GPR180: variants seen among roughly 807,000 people sequenced by gnomAD.
GPR180 encodes the protein G protein-coupled receptor 180.
A neutral mutation model predicts 52.6 loss-of-function variants in GPR180; 53 were observed. The ratio of observed to expected loss-of-function variants is 1.01; its 90% CI spans 0.81 to 1.27. The LOEUF (loss-of-function observed/expected upper bound fraction) is 1.27. Ranked by LOEUF, GPR180 falls within the 50% of genes most tolerant of loss-of-function variation. GPR180 has a pLI of 0.00. For missense variants in GPR180, 533 were observed against 527.0 expected, an observed-to-expected ratio of 1.01 and a Z score of -0.11; for synonymous variants, 200 against 193.1, an observed-to-expected ratio of 1.04 and a Z score of -0.30.
chr13:94,630,333 C>G lies in GPR180; in HGVS notation c.*3162C>G, dbSNP rs969807884. On this transcript the variant is annotated 3_prime_UTR_variant, in exon 9 of 9. Transcript: ENST00000376958. ...GAGGTGAGGAAAGAAGTGATCCTGCCCACTAGGGCCATTCTCCACAGTGTA... is the reference window on the plus strand; with the variant it reads ...GAGGTGAGGAAAGAAGTGATCCTGCGCACTAGGGCCATTCTCCACAGTGTA... 1.3e-5 allele frequency: 2 copies of G among 152,204 alleles called. No homozygotes were observed. The highest frequency in any genetic ancestry group is 2.4e-5 in the African/African-American group (1 of 41,444). 9.4% of individuals were successfully genotyped at this position (152,204 alleles called of 1,614,324 possible).
At chr13:94,625,887 C>G (rs774832740) in intron 7 of GPR180, 79 bp from the exon 8 acceptor site, 14 of 933,548 alleles carry the variant, frequency 1.5e-5, no homozygotes, top group Non-Finnish European at 2.0e-5. Context: ...CCTAAAAATG[C>G]TAGTAACATT....
intron 5 of GPR180, among the ~76,000 whole-genome samples, chr13:94,620,681 A>G (rs953702602): frequency 2.6e-5 from 4 of 152,214 alleles, no homozygotes; most frequent in Non-Finnish European, 5.9e-5. Context: ...AGGTACTAGT[A>G]TTCTCCATAT....
At chr13:94,617,240 T>C (rs1889790525) in intron 3 of GPR180, among the ~76,000 whole-genome samples, 1 of 152,122 alleles carries the variant, frequency 6.6e-6, no homozygotes, top group Non-Finnish European at 1.5e-5. Context: ...TGTAAAATAT[T>C]ATAAATAAAT....
rs1889973144 is a variant in GPR180 at position 94,629,928 on chromosome 13, G to A, written c.*2757G>A. ...ATCAACATGAACATGGGCTCCTTCA[G>A]CATGTTTCTTCTAGGAGACTGCACG... is the stretch of plus-strand genomic sequence containing the variant. On this transcript the variant is annotated 3_prime_UTR_variant, in exon 9 of 9. Transcript: ENST00000376958. The A allele has an allele frequency of 6.6e-6, 1 of 152,152 alleles. No individual in the cohort carries two copies. The highest frequency in any genetic ancestry group is 6.5e-5 in the Admixed American group (1 of 15,278). 9.4% of individuals were successfully genotyped at this position (152,152 alleles called of 1,614,324 possible). A position where few individuals can be genotyped will look rare whatever the true frequency, so the allele number is the denominator to read the frequency against.
chr13:94,631,444 A>G lies in GPR180; in HGVS notation c.*4273A>G, dbSNP rs1479292893. The G allele has an allele frequency of 6.6e-6, 1 of 151,644 alleles. No individual in the cohort carries two copies. Among genetic ancestry groups the G allele is most frequent in the East Asian group, 1.9e-4 (1 of 5,166 alleles). 9.4% of individuals were successfully genotyped at this position (151,644 alleles called of 1,614,324 possible). On this transcript the variant is annotated 3_prime_UTR_variant, in exon 9 of 9. Transcript: ENST00000376958. ...TTTTCTGATCAGACCCTGATTAACC[A>G]TACCATCCTACCTAATGCTATTCCC... is the stretch of plus-strand genomic sequence containing the variant.
At chr13:94,619,429 C>A in intron 4 of GPR180, 39 bp from the exon 5 acceptor site, 4 of 1,602,316 alleles carry the variant, frequency 2.5e-6, no homozygotes, top group Admixed American at 1.7e-5. Flanking sequence ...CAATTTTTTT[C>A]ACATTTGTAA....
At chr13:94,602,116 T>C in intron 1 of GPR180, 44 bp downstream of exon 1, 2 of 1,277,474 alleles carry the variant, frequency 1.6e-6, no homozygotes, top group South Asian at 5.0e-5. Context: ...CGCTGGCCCA[T>C]CCCGCCGGCT....
chr13:94,615,042 T>A (rs1171529956), intron 3 of GPR180, among the ~76,000 whole-genome samples: 1 of 152,176 alleles, frequency 6.6e-6, no homozygotes, highest in African/African-American at 2.4e-5. Context: ...ATGCATCTGG[T>A]TTAAGGTTAT....
At position 94,627,109 on chromosome 13, in the gene GPR180, CT is replaced by C. The variant is rs1594480927; in HGVS notation, c.1264del (p.Ser422LeufsTer3). ...SHSLYWEVSS[L>X]SSVTLPLTIS... ...CAGTCTATACTGGGAAGTTTCTTCA[CT>C]TTCTTCAGTAACACTACCACTGACC... On this transcript the variant is annotated frameshift_variant, in exon 9 of 9. Transcript: ENST00000376958. LOFTEE classifies it high-confidence loss of function. 6.2e-7 allele frequency: 1 copy of C among 1,613,110 alleles called. No homozygotes were observed. Among genetic ancestry groups the C allele is most frequent in the Non-Finnish European group, 8.5e-7 (1 of 1,179,456 alleles).
intron 5 of GPR180, among the ~76,000 whole-genome samples, chr13:94,620,810 A>G (rs1889840655): frequency 6.6e-6 from 1 of 152,212 alleles, no homozygotes; most frequent in East Asian, 1.9e-4. Flanking sequence ...GACTTAATGG[A>G]CATATGGTAT....
At chr13:94,607,806 T>A (rs143876583) in intron 2 of GPR180, among the ~76,000 whole-genome samples, 6 of 152,310 alleles carry the variant, frequency 3.9e-5, no homozygotes, top group Admixed American at 3.9e-4. Context: ...TGATAAGTAC[T>A]ATGAATGCTA....
rs1178728239 is a variant in GPR180, at chr13:94,628,747, G to A, written c.*1576G>A. 1 of 151,976 alleles carries A rather than the reference G, an allele frequency of 6.6e-6. No individual in the cohort carries two copies. The highest frequency in any genetic ancestry group is 2.4e-5 in the African/African-American group (1 of 41,410). The allele number at this position is 151,976 out of a possible 1,614,324, so 9.4% of individuals were successfully genotyped here. ...GTTAAGACTAGAAAGTCTGAGTTAT[G>A]TTTTAGGTATACATGATCGTCTGAG... On this transcript the variant is annotated 3_prime_UTR_variant, in exon 9 of 9. Transcript: ENST00000376958.
In GPR180 at chr13:94,612,350, C is replaced by T. The variant is rs9524559; in HGVS notation, c.465C>T (p.Ala155=). The change falls in exon 3 of 9, where the codon GCC becomes GCT. Residue 155 remains alanine (A), a synonymous_variant. Coordinates refer to ENST00000376958, the MANE Select transcript of GPR180 (RefSeq NM_180989.6). ...PFEMVLLNPD[A]EGNPFDHFSA... ...AAATGGTGTTACTAAACCCAGATGC[C>T]GAAGGGAATCCATTTGATCATTTTA... 576,059 of 1,608,524 alleles carry T rather than the reference C, an allele frequency of 0.36. 105,845 individuals carry two copies. The highest frequency in any genetic ancestry group is 0.38 in the Non-Finnish European group (445,765 of 1,175,204).
intron 6 of GPR180, among the ~76,000 whole-genome samples, chr13:94,621,767 A>G (rs1292383676): frequency 6.6e-6 from 1 of 152,142 alleles, no homozygotes; most frequent in Non-Finnish European, 1.5e-5. Context: ...TAAAAACAAA[A>G]CTAGTCTTTT....
Position 94,627,535 on chromosome 13 carries a change from A to T in GPR180, c.*364A>T, listed in dbSNP as rs909792506. The T allele has an allele frequency of 1.0e-3, 212 of 205,444 alleles. No individual in the cohort carries two copies. Among genetic ancestry groups the T allele is most frequent in the African/African-American group, 4.9e-3 (207 of 42,400 alleles). 12.7% of individuals were successfully genotyped at this position (205,444 alleles called of 1,614,324 possible). Reference sequence around the variant, plus strand: ...ATAGTCTTATAAAAAGTAATCAGTTAAATGATTACTTGCTTATAAATATCT... The same window carrying T: ...ATAGTCTTATAAAAAGTAATCAGTTTAATGATTACTTGCTTATAAATATCT... On this transcript the variant is annotated 3_prime_UTR_variant, in exon 9 of 9. Coordinates refer to ENST00000376958, the MANE Select transcript of GPR180 (RefSeq NM_180989.6).
chr13:94,629,369 G>A lies in GPR180; in HGVS notation c.*2198G>A, dbSNP rs185124946. On this transcript the variant is annotated 3_prime_UTR_variant, in exon 9 of 9. Coordinates refer to ENST00000376958, the MANE Select transcript of GPR180 (RefSeq NM_180989.6). The stretch of plus-strand genomic sequence containing the variant: ...GGTTCATCCAGAGCTTTATTAAGAA[G>A]CATTTCTTTTCTTCCCTTAAAAAAT... 18 of 152,148 alleles carry A rather than the reference G, an allele frequency of 1.2e-4. No individual in the cohort carries two copies. Among genetic ancestry groups the A allele is most frequent in the Admixed American group, 4.6e-4 (7 of 15,282 alleles). The allele number at this position is 152,148 out of a possible 1,614,324, so 9.4% of individuals were successfully genotyped here. A position where few individuals can be genotyped will look rare whatever the true frequency, so the allele number is the denominator to read the frequency against.
At chr13:94,619,856 T>G (rs1258174482) in intron 5 of GPR180, among the ~76,000 whole-genome samples, 2 of 152,104 alleles carry the variant, frequency 1.3e-5, no homozygotes, top group Non-Finnish European at 2.9e-5. Flanking sequence ...GTAGCTGGGA[T>G]TACAGGCACA....
intron 2 of GPR180, among the ~76,000 whole-genome samples, chr13:94,609,508 A>G (rs2139565302): frequency 6.6e-6 from 1 of 152,306 alleles, no homozygotes; most frequent in East Asian, 1.9e-4. Context: ...AACATCAAAA[A>G]TATATTGGTA....
At chr13:94,613,883 TA>T (rs762617337) in intron 3 of GPR180, among the ~76,000 whole-genome samples, 2,759 of 150,716 alleles carry the variant, frequency 0.018, 33 homozygotes, top group Middle Eastern at 0.069. Context: ...TTTTTTTTTT[TA>T]ATTTTATTTT....
Sources: allele counts gnomAD v4.1 joint callset (sites outside exome capture counted in the v4.1 genomes callset), GRCh38; gene constraint gnomAD v4.1.1; transcripts MANE v1.5; gene names NCBI Gene and HGNC (gene_info 2026-07-23, HGNC 2026-07-21).